WDFY4: variants seen among roughly 807,000 people sequenced by gnomAD.
The protein encoded by WDFY4 is WDFY family member 4.
Under a neutral mutation model 351.9 loss-of-function variants are expected in WDFY4, and 169 were observed. That is an observed-to-expected ratio of 0.48 (90% CI 0.42 to 0.55). WDFY4 has a LOEUF of 0.55. Among genes scored for constraint, WDFY4 ranks in the 20% least tolerant of loss-of-function variants. The pLI is 0.00. For missense variants in WDFY4, 3,803 were observed against 3,935.6 expected (o/e 0.97, Z 0.90); for synonymous variants, 1,622 against 1,574.6 (o/e 1.03, Z -0.71).
At chr10:48,805,741 G>A (rs142430347) in intron 26 of WDFY4, among the ~76,000 whole-genome samples, 51 of 152,322 alleles carry the variant, frequency 3.3e-4, no homozygotes, top group African/African-American at 1.1e-3. Context: ...GCAGACTCCT[G>A]AAGAGCAGTC....
chr10:48,774,590 A>G lies in WDFY4; in HGVS notation c.2686A>G (p.Thr896Ala). 1 of 1,551,694 alleles carries G rather than the reference A, an allele frequency of 6.4e-7. No individual in the cohort carries two copies. The highest frequency in any genetic ancestry group is 8.7e-7 in the Non-Finnish European group (1 of 1,146,970). ...LMASCHRALV[T>A]SGSPLHSRLI... is the part of the protein sequence containing the mutation. Reference sequence around the variant, plus strand: ...GGCCTCCTGCCACAGGGCCCTGGTCACCAGTGGCAGCCCCCTCCACTCACG... The same window carrying G: ...GGCCTCCTGCCACAGGGCCCTGGTCGCCAGTGGCAGCCCCCTCCACTCACG... Residue 896 changes from threonine (T) to alanine (A), a missense_variant, in exon 14 of 62, where the codon ACC becomes GCC. Thr to Ala is a moderately conservative substitution (Grantham distance 58). Coordinates refer to ENST00000325239, the MANE Select transcript of WDFY4 (RefSeq NM_001394531.1).
At chr10:48,913,609 C>T (rs779411455) in intron 47 of WDFY4, 3 of 1,614,114 alleles carry the variant, frequency 1.9e-6, no homozygotes, top group Non-Finnish European at 2.5e-6. Flanking sequence ...TCCGACTCAC[C>T]TGGCTTTGGA....
At chr10:48,874,778 C>T (rs991948842) in intron 41 of WDFY4, among the ~76,000 whole-genome samples, 1 of 152,224 alleles carries the variant, frequency 6.6e-6, no homozygotes, top group Non-Finnish European at 1.5e-5. Flanking sequence ...CTGGTCCCCT[C>T]TCCAGGGTGT....
Position 48,969,251 on chromosome 10 carries a change from G to A in WDFY4, c.8769+3G>A, listed in dbSNP as rs916021434. ...TGGGGAGCTACGGCTCCGACAAGGTGAGGGGGCTGCAGGGAGCAGGGGCAG... is the reference window on the plus strand; with the variant it reads ...TGGGGAGCTACGGCTCCGACAAGGTAAGGGGGCTGCAGGGAGCAGGGGCAG... On this transcript the variant is annotated splice_donor_region_variant and intron_variant, in intron 56 of 61. Transcript: ENST00000325239. 2 of 1,551,124 alleles carry A rather than the reference G, an allele frequency of 1.3e-6. No individual in the cohort carries two copies. The highest frequency in any genetic ancestry group is 1.7e-6 in the Non-Finnish European group (2 of 1,146,908).
chr10:48,768,526 G>A (rs1565175755), intron 13 of WDFY4, among the ~76,000 whole-genome samples: 3 of 152,156 alleles, frequency 2.0e-5, no homozygotes, highest in Admixed American at 1.3e-4. Flanking sequence ...ATCCTTCAAC[G>A]CTTCATTGGC....
intron 24 of WDFY4, among the ~76,000 whole-genome samples, chr10:48,799,696 C>T (rs1310604958): frequency 6.6e-6 from 1 of 151,968 alleles, no homozygotes; most frequent in Non-Finnish European, 1.5e-5. Context: ...TCACTTGAAC[C>T]CATAAGGGGG....
intron 51 of WDFY4, among the ~76,000 whole-genome samples, chr10:48,948,703 G>A (rs921296841): frequency 6.6e-6 from 1 of 152,204 alleles, no homozygotes; most frequent in South Asian, 2.1e-4. Context: ...AGGCTGTTGA[G>A]AAGATTAAAT....
chr10:48,939,426 C>T (rs190854387), intron 47 of WDFY4, among the ~76,000 whole-genome samples: 20 of 152,288 alleles, frequency 1.3e-4, no homozygotes, highest in African/African-American at 4.3e-4. Context: ...CTGTCTTGCT[C>T]GGGGCCCCCC....
At chr10:48,981,238 T>C (rs1842792008) in intron 60 of WDFY4, 129 bp from the exon 61 acceptor site, 2 of 754,200 alleles carry the variant, frequency 2.7e-6, no homozygotes, top group Non-Finnish European at 4.3e-6. Context: ...TATTTCCCCC[T>C]CAATTTAACA....
intron 23 of WDFY4, among the ~76,000 whole-genome samples, chr10:48,793,934 A>G (rs2066766765): frequency 6.6e-6 from 1 of 152,184 alleles, no homozygotes; most frequent in Non-Finnish European, 1.5e-5. Flanking sequence ...AGCAATAGCC[A>G]GCTGAGTTTT....
intron 24 of WDFY4, among the ~76,000 whole-genome samples, chr10:48,802,976 A>G (rs1422484835): frequency 1.3e-5 from 2 of 152,174 alleles, no homozygotes; most frequent in Non-Finnish European, 2.9e-5. Context: ...AGTTTGCAAT[A>G]TGGACACTTG....
chr10:48,862,100 C>T (rs1021986886), intron 39 of WDFY4, among the ~76,000 whole-genome samples: 2 of 152,138 alleles, frequency 1.3e-5, no homozygotes, highest in Non-Finnish European at 2.9e-5. Context: ...GTTGTTGAAG[C>T]ATTTTTATGA....
chr10:48,811,841 C>T (rs2067458161), intron 30 of WDFY4, 133 bp downstream of exon 30: 17 of 918,756 alleles, frequency 1.9e-5, no homozygotes, highest in Non-Finnish European at 2.6e-5. Context: ...GGCCCACTTC[C>T]CTCCCTAGCA....
intron 51 of WDFY4, among the ~76,000 whole-genome samples, chr10:48,948,226 C>T (rs999212694): frequency 5.9e-5 from 9 of 152,198 alleles, no homozygotes; most frequent in African/African-American, 9.6e-5. Context: ...AACCCCCTCT[C>T]CCTGGAAATT....
intron 35 of WDFY4, among the ~76,000 whole-genome samples, chr10:48,825,333 C>T (rs1339255292): frequency 6.6e-6 from 1 of 152,156 alleles, no homozygotes; most frequent in African/African-American, 2.4e-5. Context: ...TATATATACA[C>T]CATATTTTCT....
At chr10:48,790,971 G>C in intron 23 of WDFY4, 54 bp downstream of exon 23, 1 of 1,539,072 alleles carries the variant, frequency 6.5e-7, no homozygotes, top group Non-Finnish European at 8.8e-7. Flanking sequence ...TGTCATCCCT[G>C]GGAAACAGGG....
At chr10:48,981,904 G>T (rs7093656) in intron 61 of WDFY4, among the ~76,000 whole-genome samples, 69,275 of 152,076 alleles carry the variant, frequency 0.46, 16,068 homozygotes, top group Non-Finnish European at 0.51. Context: ...CCAAGCATCA[G>T]TCCCGACACT....
Position 48,890,711 on chromosome 10 carries a change from C to T in WDFY4, c.7300C>T (p.Arg2434Cys), listed in dbSNP as rs139576987. The T allele has an allele frequency of 6.1e-5, 94 of 1,551,724 alleles. No individual in the cohort carries two copies. The African/African-American group carries it at 9.6e-4, about 16-fold the overall frequency. Residue 2434 changes from arginine (R) to cysteine (C), a missense_variant, in exon 44 of 62, where the codon CGT becomes TGT. By Grantham distance (180) the Arg-to-Cys change is radical (BLOSUM62 -3). Around this residue, in one of 3 missense-constraint regions of WDFY4, gnomAD observed 3,054 missense variants for 3,148.6 expected, o/e 0.97. Transcript: ENST00000325239. The stretch of plus-strand genomic sequence containing the variant: ...TCCCACGGGTGATGTCTACTGTACC[C>T]GTCACTGCTTATCCAAGTGAGTTAT... ...LSPTGDVYCT[R>C]HCLSNISDPF...
chr10:48,843,348 G>A (rs1004425122), intron 39 of WDFY4, among the ~76,000 whole-genome samples: 3 of 152,150 alleles, frequency 2.0e-5, no homozygotes, highest in African/African-American at 7.2e-5. Context: ...GTCCACATCT[G>A]CAGGTCAACT....
Sources: gnomAD v4.1 joint callset for allele counts (sites outside exome capture counted in the v4.1 genomes callset) on GRCh38, gnomAD v4.1.1 for gene constraint, gnomAD v4.1.1 regional missense constraint, MANE v1.5 for transcripts, NCBI Gene and HGNC (gene_info 2026-07-23, HGNC 2026-07-21) for gene names.